The following GTF2A1L variants were observed in gnomAD, a reference collection of about 807,000 sequenced individuals.
GTF2A1L encodes general transcription factor IIA subunit 1 like, also known as TFIIA-alpha and beta-like factor.
In GTF2A1L, 48 loss-of-function variants were observed where a neutral mutation model predicts 49.7. The ratio of observed to expected loss-of-function variants is 0.97; its 90% CI spans 0.77 to 1.23. The LOEUF is 1.23. Among genes scored for constraint, GTF2A1L ranks in the 50% most tolerant of loss-of-function variants. GTF2A1L has a pLI of 0.00. For synonymous variants in GTF2A1L, 246 were observed against 193.5 expected (o/e 1.27, Z -2.25); for missense variants, 736 against 564.8 (o/e 1.30, Z -3.07).
intron 3 of GTF2A1L, among the ~76,000 whole-genome samples, chr2:48,633,791 T>C (rs139294432): frequency 2.6e-3 from 390 of 152,346 alleles, no homozygotes; most frequent in Non-Finnish European, 3.9e-3. Flanking sequence ...GGTCTAGAAG[T>C]ACTTGTTTGT....
intron 6 of GTF2A1L, among the ~76,000 whole-genome samples, chr2:48,654,344 T>C (rs1678046686): frequency 6.6e-6 from 1 of 152,202 alleles, no homozygotes; most frequent in African/African-American, 2.4e-5. Context: ...TTTTGTCATT[T>C]AGGCCTGTGA....
intron 3 of GTF2A1L, among the ~76,000 whole-genome samples, chr2:48,622,413 C>T (rs1676052585): frequency 6.6e-6 from 1 of 152,166 alleles, no homozygotes; most frequent in Non-Finnish European, 1.5e-5. Context: ...TTTTAAACTA[C>T]TATTTCATTG....
chr2:48,679,197 A>G, intron 8 of GTF2A1L, 138 bp from the exon 9 acceptor site: 1 of 1,129,226 alleles, frequency 8.9e-7, no homozygotes, highest in Non-Finnish European at 1.2e-6. Flanking sequence ...TATGGAATAA[A>G]CAAACTATCT....
chr2:48,669,809 T>C lies in GTF2A1L; in HGVS notation c.1066T>C (p.Ser356Pro). Residue 356 changes from serine (S) to proline (P), a missense_variant, in exon 7 of 9, where the codon TCT becomes CCT. By Grantham distance (74) the Ser-to-Pro change is moderately conservative (BLOSUM62 -1). Coordinates refer to ENST00000403751, the MANE Select transcript of GTF2A1L (RefSeq NM_006872.5). The stretch of plus-strand genomic sequence containing the variant: ...TCAAGTAGATGGAAGCGGTGATACA[T>C]CTTCCAATGAAGAAATAGGAAGTAC... ...IIQVDGSGDT[S>P]SNEEIGSTRD... 4 of 1,614,074 alleles carry C rather than the reference T, an allele frequency of 2.5e-6. No homozygotes were observed. Among genetic ancestry groups the C allele is most frequent in the Non-Finnish European group, 2.5e-6 (3 of 1,179,984 alleles).
intron 8 of GTF2A1L, among the ~76,000 whole-genome samples, chr2:48,675,984 G>A (rs1679448379): frequency 6.6e-6 from 1 of 151,918 alleles, no homozygotes; most frequent in African/African-American, 2.4e-5. Flanking sequence ...ACAATGAAAA[G>A]TCTGGTTCAC....
intron 7 of GTF2A1L, 28 bp downstream of exon 7, chr2:48,670,010 C>T (rs747235745): frequency 6.3e-7 from 1 of 1,575,000 alleles, no homozygotes; most frequent in Non-Finnish European, 8.6e-7. Context: ...GCTGAGACTT[C>T]CTTTATTAAT....
chr2:48,661,444 G>A (rs572940504), intron 6 of GTF2A1L, among the ~76,000 whole-genome samples: 2 of 151,280 alleles, frequency 1.3e-5, no homozygotes, highest in East Asian at 3.9e-4. Flanking sequence ...AGTAGAGACG[G>A]GGTTTCACCA....
At chr2:48,669,581 T>G in intron 6 of GTF2A1L, 141 bp from the exon 7 acceptor site, 1 of 1,020,000 alleles carries the variant, frequency 9.8e-7, no homozygotes, top group Non-Finnish European at 1.3e-6. Flanking sequence ...ATTCTAAAAT[T>G]CAAAGTTAGA....
intron 6 of GTF2A1L, among the ~76,000 whole-genome samples, chr2:48,651,955 G>A (rs996780560): frequency 1.3e-5 from 2 of 152,166 alleles, no homozygotes; most frequent in Non-Finnish European, 2.9e-5. Context: ...AGTTATGGAT[G>A]TTGCTGTACA....
Position 48,679,279 on chromosome 2 carries a change from C to A in GTF2A1L, c.1330-56C>A, listed in dbSNP as rs186470071. The A allele has an allele frequency of 7.8e-5, 123 of 1,578,092 alleles. 1 individual carries two copies. Among genetic ancestry groups the A allele is most frequent in the Non-Finnish European group, 8.6e-7 (1 of 1,164,978 alleles). Reference sequence around the variant, plus strand: ...TCCCATTTACTGTAGCAGAGAAATGCAGGTGATCCTTTAACTTGTAAAATT... The same window carrying A: ...TCCCATTTACTGTAGCAGAGAAATGAAGGTGATCCTTTAACTTGTAAAATT... On this transcript the variant is annotated intron_variant, in intron 8 of 8. Coordinates refer to ENST00000403751, the MANE Select transcript of GTF2A1L (RefSeq NM_006872.5).
chr2:48,678,863 T>C (rs1466830346), intron 8 of GTF2A1L, among the ~76,000 whole-genome samples: 1 of 152,016 alleles, frequency 6.6e-6, no homozygotes, highest in African/African-American at 2.4e-5. Flanking sequence ...CATGCCCCTC[T>C]TTAGGACTGT....
chr2:48,637,584 T>A (rs1456941651), intron 3 of GTF2A1L, among the ~76,000 whole-genome samples: 1 of 151,988 alleles, frequency 6.6e-6, no homozygotes, highest in Non-Finnish European at 1.5e-5. Context: ...CAAGAACACT[T>A]CAGCCCCAAA....
At chr2:48,630,229 T>C (rs147242854) in intron 3 of GTF2A1L, among the ~76,000 whole-genome samples, 2 of 144,244 alleles carry the variant, frequency 1.4e-5, no homozygotes, top group East Asian at 1.9e-4. Context: ...TTTAATGTTA[T>C]TGATTCTTGT....
At chr2:48,638,800 A>T (rs1677044421) in intron 3 of GTF2A1L, among the ~76,000 whole-genome samples, 1 of 152,194 alleles carries the variant, frequency 6.6e-6, no homozygotes, top group African/African-American at 2.4e-5. Context: ...TTTGCAGATG[A>T]TATGATTCTA....
At chr2:48,648,347 A>C (rs973336839) in intron 6 of GTF2A1L, among the ~76,000 whole-genome samples, 4 of 152,118 alleles carry the variant, frequency 2.6e-5, no homozygotes, top group African/African-American at 9.6e-5. Context: ...TGTTTTCATC[A>C]CTACTACTTT....
At chr2:48,675,789 T>G (rs548034470) in intron 8 of GTF2A1L, among the ~76,000 whole-genome samples, 4 of 151,890 alleles carry the variant, frequency 2.6e-5, no homozygotes, top group Non-Finnish European at 5.9e-5. Flanking sequence ...ATACAATGAT[T>G]AATTTCTAGG....
At chr2:48,675,972 A>G (rs933978246) in intron 8 of GTF2A1L, among the ~76,000 whole-genome samples, 2 of 151,928 alleles carry the variant, frequency 1.3e-5, no homozygotes, top group African/African-American at 2.4e-5. Flanking sequence ...GTAAAAAGGT[A>G]TACAATGAAA....
At chr2:48,649,710 C>G (rs1677738139) in intron 6 of GTF2A1L, among the ~76,000 whole-genome samples, 1 of 152,180 alleles carries the variant, frequency 6.6e-6, no homozygotes, top group Non-Finnish European at 1.5e-5. Context: ...CCAAATGCAG[C>G]CTGGTTGTGT....
At chr2:48,669,427 A>C (rs1032346711) in intron 6 of GTF2A1L, among the ~76,000 whole-genome samples, 5 of 152,224 alleles carry the variant, frequency 3.3e-5, no homozygotes, top group Non-Finnish European at 7.3e-5. Context: ...TAGGTACTAT[A>C]TAAATTTAAG....
Sources: gnomAD v4.1 joint callset for allele counts (sites outside exome capture counted in the v4.1 genomes callset) on GRCh38, gnomAD v4.1.1 for gene constraint, MANE v1.5 for transcripts, NCBI Gene and HGNC (gene_info 2026-07-23, HGNC 2026-07-21) for gene names.